The following LIPA variants were observed in gnomAD, a reference collection of about 807,000 sequenced individuals.
The protein encoded by LIPA is lysosomal acid lipase/cholesteryl ester hydrolase.
LIPA carries 26 observed loss-of-function variants against 40.6 expected under a neutral mutation model. That is an observed-to-expected ratio of 0.64 (90% CI 0.47 to 0.89). The LOEUF (loss-of-function observed/expected upper bound fraction) is 0.89, where lower values mean the gene tolerates loss of function less well. Among genes scored for constraint, LIPA ranks in the 40% least tolerant of loss-of-function variants. The pLI is 0.00. For synonymous variants in LIPA, 188 were observed against 168.4 expected (o/e 1.12, Z -0.90); for missense variants, 455 against 479.6 (o/e 0.95, Z 0.48).
At chr10:89,402,292 A>G (rs139476226) in intron 2 of LIPA, 2 of 1,607,602 alleles carry the variant, frequency 1.2e-6, no homozygotes, top group African/African-American at 2.7e-5. Flanking sequence ...ACAAATGGTG[A>G]TGATCATCAG....
chr10:89,271,721 A>G (rs2133492916), intron 1 of LIPA, among the ~76,000 whole-genome samples: 2 of 152,316 alleles, frequency 1.3e-5, no homozygotes, highest in East Asian at 3.9e-4. Context: ...CATGACAAGA[A>G]CCAGTGTTTG....
intron 2 of LIPA, among the ~76,000 whole-genome samples, chr10:89,380,589 AG>A (rs531269354): frequency 5.8e-4 from 89 of 152,216 alleles, no homozygotes; most frequent in South Asian, 2.1e-3. Flanking sequence ...GTGCATCGCC[AG>A]GCCCGGCTAA....
chr10:89,378,157 C>G (rs1251558947), intron 2 of LIPA: 7 of 1,613,302 alleles, frequency 4.3e-6, no homozygotes, highest in Non-Finnish European at 5.9e-6. Flanking sequence ...TCTTTCTCTG[C>G]TTCACTGACC....
At chr10:89,290,239 A>G (rs1434165618) in intron 1 of LIPA, among the ~76,000 whole-genome samples, 1 of 151,974 alleles carries the variant, frequency 6.6e-6, no homozygotes, top group East Asian at 1.9e-4. Flanking sequence ...TTTGGACCTT[A>G]TGTCTTCCAT....
At chr10:89,333,448 G>T (rs559081870) in intron 1 of LIPA, among the ~76,000 whole-genome samples, 82 of 152,266 alleles carry the variant, frequency 5.4e-4, no homozygotes, top group Admixed American at 8.5e-4. Context: ...TTCCTTAAAT[G>T]CATACAAGGC....
chr10:89,290,635 CT>C (rs1843368665), intron 1 of LIPA, among the ~76,000 whole-genome samples: 1 of 152,196 alleles, frequency 6.6e-6, no homozygotes, highest in African/African-American at 2.4e-5. Flanking sequence ...ATGACATTAC[CT>C]TGTGAAATTC....
At chr10:89,264,749 A>T (rs1843226537) in intron 1 of LIPA, among the ~76,000 whole-genome samples, 2 of 152,134 alleles carry the variant, frequency 1.3e-5, no homozygotes, top group African/African-American at 2.4e-5. Flanking sequence ...GGCCCAGAAA[A>T]AGCACCATAA....
intron 1 of LIPA, among the ~76,000 whole-genome samples, chr10:89,331,301 AG>A (rs1399752806): frequency 6.6e-6 from 1 of 152,064 alleles, no homozygotes; most frequent in Non-Finnish European, 1.5e-5. Context: ...CCTCCCAAGT[AG>A]CTGGGACTAT....
chr10:89,327,344 A>C (rs1843609312), intron 1 of LIPA, among the ~76,000 whole-genome samples: 1 of 152,168 alleles, frequency 6.6e-6, no homozygotes, highest in South Asian at 2.1e-4. Flanking sequence ...TGCTATCAGG[A>C]GTTCAAGACC....
intron 1 of LIPA, among the ~76,000 whole-genome samples, chr10:89,329,803 G>C (rs1843632577): frequency 6.6e-6 from 1 of 152,170 alleles, no homozygotes; most frequent in Admixed American, 6.5e-5. Flanking sequence ...CACCAAACAG[G>C]CTTTGTGTGA....
chr10:89,261,905 T>C (rs1461798474), intron 1 of LIPA, among the ~76,000 whole-genome samples: 1 of 152,198 alleles, frequency 6.6e-6, no homozygotes, highest in Non-Finnish European at 1.5e-5. Context: ...TTTTTTGCCG[T>C]AACCAATCCA....
chr10:89,214,873 C>G lies in LIPA; in HGVS notation c.1155G>C (p.Trp385Cys), dbSNP rs1056356945. Reference sequence around the variant, plus strand: ...GATTAATAATTTTATTATAAAGCCTCCAAGGGGCATCCAGGCCCCAAATGA... The same window carrying G: ...GATTAATAATTTTATTATAAAGCCTGCAAGGGGCATCCAGGCCCCAAATGA... ...LDFIWGLDAP[W>C]RLYNKIINLM... Residue 385 changes from tryptophan (W) to cysteine (C), a missense_variant, in exon 10 of 10, where the codon TGG becomes TGC. Coordinates refer to ENST00000336233, the MANE Select transcript of LIPA (RefSeq NM_000235.4). 2 of 1,613,090 alleles carry G rather than the reference C, an allele frequency of 1.2e-6. No homozygotes were observed. The highest frequency in any genetic ancestry group is 1.7e-6 in the Non-Finnish European group (2 of 1,179,052).
chr10:89,339,729 A>G (rs1022747660), intron 1 of LIPA: 5 of 1,614,096 alleles, frequency 3.1e-6, no homozygotes, highest in Non-Finnish European at 4.2e-6. Flanking sequence ...CTGAAAAGCA[A>G]CAATCCCATC....
intron 2 of LIPA, among the ~76,000 whole-genome samples, chr10:89,379,736 C>A (rs1158047025): frequency 1.3e-5 from 2 of 152,072 alleles, no homozygotes; most frequent in Non-Finnish European, 2.9e-5. Context: ...GGCTCCTGGT[C>A]ATAAGATGTT....
intron 1 of LIPA, among the ~76,000 whole-genome samples, chr10:89,289,241 A>T (rs566555356): frequency 6.6e-6 from 1 of 152,310 alleles, no homozygotes; most frequent in Non-Finnish European, 1.5e-5. Flanking sequence ...TTCTATCGTC[A>T]TTTCATAACC....
intron 2 of LIPA, among the ~76,000 whole-genome samples, chr10:89,410,725 G>A (rs866179366): frequency 2.0e-5 from 3 of 152,336 alleles, no homozygotes; most frequent in Middle Eastern, 6.8e-3. Context: ...CTAACCTCTG[G>A]GGGAACCCCC....
upstream of LIPA, chr10:89,414,626 G>C: frequency 1.8e-6 from 1 of 551,320 alleles, no homozygotes; most frequent in South Asian, 2.7e-5. Context: ...GCTGGGGCTG[G>C]GGTCTCTCCT....
intron 1 of LIPA, among the ~76,000 whole-genome samples, chr10:89,413,250 T>C (rs1026812391): frequency 5.3e-5 from 8 of 152,228 alleles, no homozygotes; most frequent in Non-Finnish European, 1.0e-4. Context: ...TATTAACTTA[T>C]CAGTTTTTAA....
intron 1 of LIPA, among the ~76,000 whole-genome samples, chr10:89,324,114 C>T (rs1843587021): frequency 6.6e-6 from 1 of 151,634 alleles, no homozygotes; most frequent in Non-Finnish European, 1.5e-5. Flanking sequence ...GCCCATGTTA[C>T]CTGACTTTGA....
Sources: gnomAD v4.1 joint callset for allele counts (sites outside exome capture counted in the v4.1 genomes callset) on GRCh38, gnomAD v4.1.1 for gene constraint, MANE v1.5 for transcripts, NCBI Gene and HGNC (gene_info 2026-07-23, HGNC 2026-07-21) for gene names.